The following CASP5 variants were observed in gnomAD, a reference collection of about 807,000 sequenced individuals.
The protein encoded by CASP5 is caspase 5, also known as caspase-5.
In CASP5, 42 loss-of-function variants were observed where a neutral mutation model predicts 45.2. The observed-to-expected ratio is 0.93, with a 90% CI of 0.73 to 1.20. The LOEUF is 1.20. CASP5 is among the 50% of genes most tolerant of loss of function. The pLI is 0.00. For missense variants in CASP5, 512 were observed against 532.2 expected (o/e 0.96, Z 0.37); for synonymous variants, 209 against 186.2 (o/e 1.12, Z -1.00).
intron 9 of CASP5, among the ~76,000 whole-genome samples, chr11:104,994,700 A>G (rs984882747): frequency 4.6e-5 from 7 of 152,184 alleles, no homozygotes; most frequent in African/African-American, 1.7e-4. Flanking sequence ...TCTTTTGGTC[A>G]CACTATCTCA....
At chr11:105,014,800 G>A (rs1862508310) in intron 1 of CASP5, among the ~76,000 whole-genome samples, 2 of 152,274 alleles carry the variant, frequency 1.3e-5, no homozygotes, top group South Asian at 4.1e-4. Flanking sequence ...AGATAGATAT[G>A]CAAATACATC....
chr11:105,009,182 T>C, intron 1 of CASP5: 1 of 596,402 alleles, frequency 1.7e-6, no homozygotes, highest in South Asian at 2.1e-5. Flanking sequence ...TAACAATTCA[T>C]TGCCACTTAA....
At chr11:105,022,644 CATAGAAAGGTGGAAAA>C (rs751672767) in intron 1 of CASP5, among the ~76,000 whole-genome samples, 86 of 152,138 alleles carry the variant, frequency 5.7e-4, no homozygotes, top group Non-Finnish European at 1.1e-3. Flanking sequence ...ACCAGGACTA[CATAGAAAGGTGGAAAA>C]ATGCAATCAC....
At chr11:104,996,090 A>G (rs1565378540) in intron 8 of CASP5, among the ~76,000 whole-genome samples, 1 of 152,150 alleles carries the variant, frequency 6.6e-6, no homozygotes, top group African/African-American at 2.4e-5. Context: ...CATTTTCTCT[A>G]TTTTCCATTT....
intron 1 of CASP5, among the ~76,000 whole-genome samples, chr11:105,022,012 G>T (rs1862991050): frequency 6.6e-6 from 1 of 151,170 alleles, no homozygotes; most frequent in Non-Finnish European, 1.5e-5. Context: ...CCTTTGTAGG[G>T]ACATGGATGA....
intron 3 of CASP5, among the ~76,000 whole-genome samples, chr11:105,005,997 T>A (rs3181174): frequency 0.06 from 9,135 of 152,208 alleles, 282 homozygotes; most frequent in African/African-American, 0.074. Flanking sequence ...TTTTGTATAG[T>A]GAGGTTTGAA....
Position 105,007,269 on chromosome 11 carries a change from C to T in CASP5, c.247G>A (p.Val83Ile), listed in dbSNP as rs1862051922. ...EYLGKDVLHG[V>I]FNYLAKHDVL... ...TCGTGTTTTGCCAAATAATTAAAAA[C>T]ACCATGAAGAACATCTTTGCCCAGG... Residue 83 changes from valine to isoleucine, a missense_variant, in exon 3 of 10, where the codon GTT becomes ATT. Val to Ile is a conservative substitution (Grantham distance 29). Transcript: ENST00000260315. 4.3e-6 allele frequency: 7 copies of T among 1,611,782 alleles called. No individual in the cohort carries two copies. Among genetic ancestry groups the T allele is most frequent in the Non-Finnish European group, 5.9e-6 (7 of 1,179,458 alleles).
chr11:105,015,922 T>G (rs1591175511), intron 1 of CASP5, among the ~76,000 whole-genome samples: 1 of 152,350 alleles, frequency 6.6e-6, no homozygotes, highest in East Asian at 1.9e-4. Context: ...AACATTTGCT[T>G]CTTTTTCTTA....
chr11:104,997,107 T>C (rs45584135), intron 8 of CASP5, among the ~76,000 whole-genome samples: 2,320 of 152,294 alleles, frequency 0.015, 59 homozygotes, highest in African/African-American at 0.052. Context: ...ACAAAAATTA[T>C]TTCAAAATAT....
At chr11:104,995,639 TA>T in intron 9 of CASP5, 100 bp downstream of exon 9, 7 of 699,456 alleles carry the variant, frequency 1.0e-5, no homozygotes, top group Non-Finnish European at 1.8e-5. Flanking sequence ...TAAAGAACAC[TA>T]ACTTGACCAT....
intron 1 of CASP5, chr11:105,009,191 A>G: frequency 1.7e-6 from 1 of 589,666 alleles, no homozygotes; most frequent in Non-Finnish European, 3.0e-6. Context: ...ATTGCCACTT[A>G]AGTTTGTTTT....
intron 1 of CASP5, among the ~76,000 whole-genome samples, chr11:105,014,420 C>T (rs491191): frequency 0.15 from 23,133 of 151,968 alleles, 2,024 homozygotes; most frequent in Admixed American, 0.25. Flanking sequence ...TGATTTCCAG[C>T]CTAATTCTCA....
At chr11:105,004,949 T>A (rs1280918015) in intron 3 of CASP5, among the ~76,000 whole-genome samples, 2 of 152,196 alleles carry the variant, frequency 1.3e-5, no homozygotes, top group Non-Finnish European at 2.9e-5. Flanking sequence ...AAGACTTTTA[T>A]GTGTCTGTGT....
At chr11:105,015,616 C>A (rs1037984682) in intron 1 of CASP5, among the ~76,000 whole-genome samples, 1 of 152,104 alleles carries the variant, frequency 6.6e-6, no homozygotes. Flanking sequence ...TCAATTTCTC[C>A]TATCTATTAT....
intron 5 of CASP5, among the ~76,000 whole-genome samples, chr11:105,001,816 T>A (rs1861743294): frequency 1.3e-5 from 2 of 152,190 alleles, no homozygotes; most frequent in African/African-American, 4.8e-5. Context: ...TCTAGTTTTA[T>A]GGAGTTGAGG....
Position 104,995,830 on chromosome 11 carries a change from A to G in CASP5, c.1219T>C (p.Phe407Leu). The change falls in exon 9 of 10, where the codon TTT becomes CTT. Residue 407 changes from phenylalanine (F) to leucine (L), a missense_variant. Transcript: ENST00000260315. ...TGGGCTTTAGCCTGTGGAACTTCAA[A>G]TGATTTCTGTACCTAAAAGAAAAAA... is the stretch of plus-strand genomic sequence containing the variant. Reference protein sequence around the residue: ...MEIFRKVQKSFEVPQAKAQMP... With the variant: ...MEIFRKVQKSLEVPQAKAQMP... 1 of 1,610,498 alleles carries G rather than the reference A, an allele frequency of 6.2e-7. No homozygotes were observed. Among genetic ancestry groups the G allele is most frequent in the Non-Finnish European group, 8.5e-7 (1 of 1,177,094 alleles).
intron 3 of CASP5, among the ~76,000 whole-genome samples, chr11:105,005,710 A>G (rs1861969426): frequency 6.6e-6 from 1 of 152,208 alleles, no homozygotes; most frequent in African/African-American, 2.4e-5. Context: ...AATTCAGTTT[A>G]GAGTTTAGTG....
At chr11:105,019,368 C>G (rs1340530082) in intron 1 of CASP5, among the ~76,000 whole-genome samples, 1 of 150,174 alleles carries the variant, frequency 6.7e-6, no homozygotes, top group East Asian at 1.9e-4. Context: ...AATCCAGGAG[C>G]TGGTTTTTTG....
chr11:104,998,692 G>C lies in CASP5; in HGVS notation c.1096+193C>G, dbSNP rs754594175. Among the ~76,000 whole-genome samples, 110 of 152,152 alleles carry C rather than the reference G, an allele frequency of 7.2e-4. 1 individual carries two copies. The highest frequency in any genetic ancestry group is 1.9e-4 in the Non-Finnish European group (13 of 68,024). ...GTGTAACACTTATAATAAAAGTACA[G>C]TTTTTTAAAATGTGTGTGTGGGAGG... is the stretch of plus-strand genomic sequence containing the variant. On this transcript the variant is annotated intron_variant, in intron 7 of 9. Transcript: ENST00000260315.
Sources: allele counts gnomAD v4.1 joint callset (sites outside exome capture counted in the v4.1 genomes callset), GRCh38; gene constraint gnomAD v4.1.1; transcripts MANE v1.5; gene names NCBI Gene and HGNC (gene_info 2026-07-23, HGNC 2026-07-21).